The following BAIAP2 variants were observed in gnomAD, a reference collection of about 807,000 sequenced individuals.
BAIAP2 encodes BAR/IMD domain-containing adapter protein 2.
BAIAP2 carries 18 observed loss-of-function variants against 63.0 expected under a neutral mutation model. The observed-to-expected ratio is 0.29, with a 90% confidence interval of 0.20 to 0.42. BAIAP2 has a LOEUF of 0.42. Ranked by LOEUF, BAIAP2 falls within the 10% of genes least tolerant of loss-of-function variation. BAIAP2 has a pLI of 1.00. For missense variants in BAIAP2, 610 were observed against 734.3 expected, an observed-to-expected ratio of 0.83 and a Z score of 1.96; for synonymous variants, 386 against 307.6, an observed-to-expected ratio of 1.25 and a Z score of -2.67.
intron 1 of BAIAP2, among the ~76,000 whole-genome samples, chr17:81,047,373 G>A (rs190314996): frequency 1.3e-5 from 2 of 152,306 alleles, no homozygotes; most frequent in East Asian, 3.9e-4. Flanking sequence ...GGATTAGGGT[G>A]ATGAGGGTCT....
chr17:81,109,474 T>A, intron 13 of BAIAP2: 4 of 985,994 alleles, frequency 4.1e-6, no homozygotes, highest in Non-Finnish European at 4.8e-6. Flanking sequence ...CGGTGTGCGC[T>A]GTTATCTCGC....
intron 1 of BAIAP2, among the ~76,000 whole-genome samples, chr17:81,040,222 T>C (rs1050376999): frequency 2.6e-5 from 4 of 152,234 alleles, no homozygotes; most frequent in Non-Finnish European, 2.9e-5. Context: ...CTGGTGACTT[T>C]CTTTGAGGCC....
chr17:81,063,829 T>C (rs1352441373), intron 3 of BAIAP2: 1 of 152,336 alleles, frequency 6.6e-6, no homozygotes, highest in Non-Finnish European at 1.5e-5. Context: ...CCAGCTGTCC[T>C]TGCTGCCCCA....
chr17:81,094,666 C>G (rs2057341925), intron 6 of BAIAP2, among the ~76,000 whole-genome samples: 1 of 152,222 alleles, frequency 6.6e-6, no homozygotes, highest in Non-Finnish European at 1.5e-5. Flanking sequence ...GCCCTCCCTC[C>G]TCTGCCTGGG....
rs371924000 is a variant in BAIAP2 at position 81,106,778 on chromosome 17, C to T, written c.1371C>T (p.Asn457=). 1.9e-5 allele frequency: 31 copies of T among 1,612,530 alleles called. No individual in the cohort carries two copies. In the African/African-American group the frequency reaches 3.2e-4, roughly 17 times the overall value. Residue 457 remains asparagine (N), a synonymous_variant, in exon 12 of 14, where the codon AAC becomes AAT. Coordinates refer to ENST00000428708, the MANE Select transcript of BAIAP2 (RefSeq NM_001144888.2). The part of the protein sequence containing the change: ...LQQGKSSSTG[N]LLDKDDLAIP... ...AAGGGAAGAGCAGCAGCACGGGCAA[C>T]CTCCTGGACAAGGACGACCTGGCCA...
intron 1 of BAIAP2, among the ~76,000 whole-genome samples, chr17:81,051,129 C>T (rs2048616030): frequency 6.6e-6 from 1 of 150,438 alleles, no homozygotes; most frequent in Admixed American, 6.8e-5. Context: ...TGTCCAGGCT[C>T]CTGGTTCATT....
intron 3 of BAIAP2, among the ~76,000 whole-genome samples, chr17:81,080,935 A>G (rs1391191136): frequency 6.6e-6 from 1 of 152,226 alleles, no homozygotes; most frequent in Admixed American, 6.5e-5. Context: ...CTCTTTGTGA[A>G]CTTGCTGGCC....
chr17:81,100,168 A>G, intron 7 of BAIAP2, 88 bp downstream of exon 7: 3 of 1,454,502 alleles, frequency 2.1e-6, no homozygotes, highest in Non-Finnish European at 2.7e-6. Context: ...AGCCCCGTGA[A>G]CACACCGGGG....
At position 81,103,862 on chromosome 17, in the gene BAIAP2, C is replaced by T. The variant is rs768126090; in HGVS notation, c.865-45C>T. On this transcript the variant is annotated intron_variant, in intron 8 of 13. Coordinates refer to ENST00000428708, the MANE Select transcript of BAIAP2 (RefSeq NM_001144888.2). ...GGTTCTCTTTCCCCCTGGTCTTGCC[C>T]GGGGTGGGCTCCAGCAACAGCCTGC... is the stretch of plus-strand genomic sequence containing the variant. 25 of 1,607,132 alleles carry T rather than the reference C, an allele frequency of 1.6e-5. No individual in the cohort carries two copies. The East Asian group carries it at 3.6e-4, about 23-fold the overall frequency.
intron 10 of BAIAP2, 69 bp downstream of exon 10, chr17:81,104,784 C>T (rs1397683206): frequency 2.1e-6 from 3 of 1,444,592 alleles, no homozygotes; most frequent in African/African-American, 2.8e-5. Flanking sequence ...CAGCGACACT[C>T]AAGTGCACTG....
Position 81,099,987 on chromosome 17 carries a change from C to A in BAIAP2, c.549C>A (p.Tyr183Ter). The change falls in exon 7 of 14, where the codon TAC (tyrosine) becomes TAA (stop). Residue 183 changes from tyrosine to a stop codon, truncating the protein, a stop_gained. Transcript: ENST00000428708. LOFTEE classifies it high-confidence loss of function. ...TGGAGAATTACGTGTCCGACGGCTA[C>A]AAGACCGCACTGACAGAGGAGCGCA... ...GELENYVSDG[Y>*]KTALTEERRR... 6.2e-7 allele frequency: 1 copy of A among 1,613,450 alleles called. No homozygotes were observed. Among genetic ancestry groups the A allele is most frequent in the East Asian group, 2.2e-5 (1 of 44,860 alleles).
In BAIAP2 at chr17:81,115,938, A is replaced by T; in HGVS notation, c.*99A>T. 1 of 1,555,340 alleles carries T rather than the reference A, an allele frequency of 6.4e-7. No individual in the cohort carries two copies. Among genetic ancestry groups the T allele is most frequent in the Non-Finnish European group, 8.7e-7 (1 of 1,150,718 alleles). On this transcript the variant is annotated 3_prime_UTR_variant, in exon 14 of 14. Transcript: ENST00000428708. ...GTGCGTTCCTGTGTAGAGAACATCC[A>T]GGCCCCGGCTGCCTGGTCTTGCCCC... is the stretch of plus-strand genomic sequence containing the variant.
At chr17:81,102,315 AG>A (rs2058603446) in intron 7 of BAIAP2, among the ~76,000 whole-genome samples, 1 of 152,122 alleles carries the variant, frequency 6.6e-6, no homozygotes, top group Admixed American at 6.5e-5. Flanking sequence ...TGCCGCTGCG[AG>A]GTCGGTGTCC....
At chr17:81,060,456 T>C (rs2050354474) in intron 3 of BAIAP2, among the ~76,000 whole-genome samples, 1 of 152,168 alleles carries the variant, frequency 6.6e-6, no homozygotes, top group Non-Finnish European at 1.5e-5. Flanking sequence ...GTGTGTGACC[T>C]TCTGTGTCTG....
chr17:81,081,243 T>C (rs2054551255), intron 3 of BAIAP2, among the ~76,000 whole-genome samples: 1 of 152,144 alleles, frequency 6.6e-6, no homozygotes, highest in South Asian at 2.1e-4. Flanking sequence ...CCTGGGAATT[T>C]ATAGGATGCC....
In BAIAP2 at chr17:81,116,151, T is replaced by C; in HGVS notation, c.*312T>C. 6.2e-7 allele frequency: 1 copy of C among 1,600,530 alleles called. No homozygotes were observed. The highest frequency in any genetic ancestry group is 8.5e-7 in the Non-Finnish European group (1 of 1,173,736). On this transcript the variant is annotated 3_prime_UTR_variant, in exon 14 of 14. Coordinates refer to ENST00000428708, the MANE Select transcript of BAIAP2 (RefSeq NM_001144888.2). ...TACCCCTGAGTTAAGGGAGGACATT[T>C]GGCCAGCTGGTGGCTGGGAGGGGAG...
At chr17:81,085,491 A>T (rs755245739) in intron 4 of BAIAP2, 163 bp from the exon 5 acceptor site, 16 of 706,802 alleles carry the variant, frequency 2.3e-5, no homozygotes, top group Non-Finnish European at 4.1e-5. Context: ...GAGGGTGCAC[A>T]CGGGCATGCG....
At chr17:81,085,557 C>A in intron 4 of BAIAP2, 97 bp from the exon 5 acceptor site, 1 of 1,003,134 alleles carries the variant, frequency 1.0e-6, no homozygotes, top group Non-Finnish European at 1.6e-6. Flanking sequence ...CCGGGACACC[C>A]GGTGTCTCGT....
At chr17:81,039,728 G>A (rs1257576227) in intron 1 of BAIAP2, among the ~76,000 whole-genome samples, 1 of 152,174 alleles carries the variant, frequency 6.6e-6, no homozygotes, top group African/African-American at 2.4e-5. Context: ...GTCTTCGACT[G>A]AAGCTTCCAA....
Sources: gnomAD v4.1 joint callset for allele counts (sites outside exome capture counted in the v4.1 genomes callset) on GRCh38, gnomAD v4.1.1 for gene constraint, MANE v1.5 for transcripts, NCBI Gene and HGNC (gene_info 2026-07-23, HGNC 2026-07-21) for gene names.